Variants in GOLGA7 observed in about 807,000 individuals in gnomAD.
GOLGA7 encodes the protein golgin subfamily A member 7.
Under a neutral mutation model 21.1 loss-of-function variants are expected in GOLGA7, and 10 were observed. The ratio of observed to expected loss-of-function variants is 0.47; its 90% CI spans 0.29 to 0.80. The LOEUF is 0.80. Among genes scored for constraint, GOLGA7 ranks in the 30% least tolerant of loss-of-function variants. GOLGA7 has a pLI of 0.08. For synonymous variants in GOLGA7, 64 were observed against 62.6 expected, an observed-to-expected ratio of 1.02 and a Z score of -0.10; for missense variants, 114 against 166.8, an observed-to-expected ratio of 0.68 and a Z score of 1.74.
intron 1 of GOLGA7, among the ~76,000 whole-genome samples, chr8:41,495,477 G>A (rs564971762): frequency 6.6e-6 from 1 of 151,366 alleles, no homozygotes; most frequent in Non-Finnish European, 1.5e-5. Context: ...TAGAGACAGA[G>A]TTTCACCATG....
At chr8:41,497,375 A>C in intron 1 of GOLGA7, 134 bp from the exon 2 acceptor site, 1 of 555,764 alleles carries the variant, frequency 1.8e-6, no homozygotes, top group South Asian at 2.6e-5. Flanking sequence ...AGTTTTGGTA[A>C]CTTAGGCCCA....
intron 2 of GOLGA7, among the ~76,000 whole-genome samples, chr8:41,498,922 A>G (rs569713489): frequency 2.8e-4 from 43 of 152,346 alleles, no homozygotes; most frequent in Non-Finnish European, 4.9e-4. Flanking sequence ...ACGAAATGCT[A>G]TAAGAATATA....
chr8:41,492,637 G>A (rs1805911109), intron 1 of GOLGA7, among the ~76,000 whole-genome samples: 1 of 152,212 alleles, frequency 6.6e-6, no homozygotes. Context: ...ACTCCAGCCT[G>A]GGCGACAGAG....
intron 2 of GOLGA7, among the ~76,000 whole-genome samples, chr8:41,505,593 T>C (rs1806264858): frequency 6.6e-6 from 1 of 152,168 alleles, no homozygotes; most frequent in Admixed American, 6.5e-5. Context: ...TATATAACCA[T>C]CTGTGTGTTT....
At chr8:41,495,718 C>T (rs550662068) in intron 1 of GOLGA7, among the ~76,000 whole-genome samples, 12 of 150,144 alleles carry the variant, frequency 8.0e-5, no homozygotes, top group Non-Finnish European at 1.3e-4. Context: ...AGAATTCATA[C>T]GTAAGTAGTT....
At chr8:41,501,414 T>G (rs1040940986) in intron 2 of GOLGA7, among the ~76,000 whole-genome samples, 2 of 152,076 alleles carry the variant, frequency 1.3e-5, no homozygotes, top group Non-Finnish European at 2.9e-5. Flanking sequence ...GTTCAAGTGA[T>G]TCTTGTGCCA....
rs115843340 is a variant in GOLGA7, at chr8:41,505,405, A to C, written c.265-506A>C. Among the ~76,000 whole-genome samples the C allele has an allele frequency of 5.1e-3, 772 of 152,328 alleles. 9 individuals carry two copies. The highest frequency in any genetic ancestry group is 0.017 in the African/African-American group (703 of 41,568). On this transcript the variant is annotated intron_variant, in intron 2 of 4. Coordinates refer to ENST00000357743, the MANE Select transcript of GOLGA7 (RefSeq NM_001002296.2). ...TTCTTAGTTTTGAAATAATGGGGCT[A>C]CCTTTTGTTATAAGCCCACCTTATA... is the stretch of plus-strand genomic sequence containing the variant.
intron 1 of GOLGA7, among the ~76,000 whole-genome samples, chr8:41,493,411 A>G (rs936209893): frequency 6.6e-6 from 1 of 152,236 alleles, no homozygotes; most frequent in Admixed American, 6.5e-5. Context: ...AAAAATACAC[A>G]CACATTTGTG....
rs1279358788 is a variant in GOLGA7, at chr8:41,507,097, T to C, written c.405T>C (p.Ser135=). The change falls in exon 4 of 5, where the codon AGT becomes AGC. Residue 135 remains serine (S), a synonymous_variant. Transcript: ENST00000357743. ...ITIYEDRGMS[S]GR ...TTTATGAAGACAGAGGCATGAGCAG[T>C]GGAAGATAAACCGAAGAATTAAAGG... 1 of 1,318,240 alleles carries C rather than the reference T, an allele frequency of 7.6e-7. No homozygotes were observed. The highest frequency in any genetic ancestry group is 1.1e-6 in the Non-Finnish European group (1 of 909,750). 81.7% of individuals were successfully genotyped at this position (1,318,240 alleles called of 1,614,324 possible).
chr8:41,492,606 G>T (rs4736992), intron 1 of GOLGA7, among the ~76,000 whole-genome samples: 27,423 of 152,182 alleles, frequency 0.18, 2,995 homozygotes, highest in Middle Eastern at 0.31. Flanking sequence ...AGGTTGCAGT[G>T]AGCCGAGATC....
chr8:41,497,302 T>G (rs1204067875), intron 1 of GOLGA7, among the ~76,000 whole-genome samples: 2 of 151,960 alleles, frequency 1.3e-5, no homozygotes, highest in Non-Finnish European at 2.9e-5. Flanking sequence ...AATAAAGAAG[T>G]ACCTTATTGA....
At chr8:41,499,210 A>C (rs1293567131) in intron 2 of GOLGA7, among the ~76,000 whole-genome samples, 1 of 152,080 alleles carries the variant, frequency 6.6e-6, no homozygotes, top group Non-Finnish European at 1.5e-5. Context: ...GAGCATACAG[A>C]TGGGCAGGCT....
chr8:41,498,261 A>G (rs978246063), intron 2 of GOLGA7, among the ~76,000 whole-genome samples: 7 of 152,184 alleles, frequency 4.6e-5, no homozygotes, highest in African/African-American at 1.2e-4. Context: ...CTCCTAGACT[A>G]TTGAAATAGT....
rs1375705073 is a variant in GOLGA7 at position 41,510,347 on chromosome 8, A to G, written c.*779A>G. The G allele has an allele frequency of 6.5e-6, 1 of 152,678 alleles. No homozygotes were observed. Among genetic ancestry groups the G allele is most frequent in the Non-Finnish European group, 1.5e-5 (1 of 68,038 alleles). The allele number at this position is 152,678 out of a possible 1,614,324, so 9.5% of individuals were successfully genotyped here. ...AGTAAGCACAATAAAGTGGATGCCA[A>G]ACCATCAGACACATAAATGTTCCCG... On this transcript the variant is annotated 3_prime_UTR_variant, in exon 5 of 5. Transcript: ENST00000357743.
chr8:41,498,685 T>G (rs1806078063), intron 2 of GOLGA7, among the ~76,000 whole-genome samples: 1 of 152,278 alleles, frequency 6.6e-6, no homozygotes, highest in Admixed American at 6.5e-5. Context: ...TTTCTGGCAC[T>G]TGCCTCACTC....
chr8:41,509,043 A>G (rs1347434291), intron 4 of GOLGA7, among the ~76,000 whole-genome samples: 1 of 152,214 alleles, frequency 6.6e-6, no homozygotes, highest in African/African-American at 2.4e-5. Context: ...AATATCTTGC[A>G]TATATCTTTA....
At chr8:41,501,372 G>A (rs373092354) in intron 2 of GOLGA7, among the ~76,000 whole-genome samples, 141 of 151,392 alleles carry the variant, frequency 9.3e-4, no homozygotes, top group African/African-American at 2.2e-3. Flanking sequence ...GCAGTGGTGC[G>A]ATCCCGGCTC....
intron 1 of GOLGA7, among the ~76,000 whole-genome samples, chr8:41,495,049 C>G (rs2150438633): frequency 6.6e-6 from 1 of 151,356 alleles, no homozygotes; most frequent in South Asian, 2.1e-4. Context: ...ACTAAAAATA[C>G]AAAAATTAGT....
At chr8:41,492,990 A>G (rs1186673670) in intron 1 of GOLGA7, among the ~76,000 whole-genome samples, 1 of 152,218 alleles carries the variant, frequency 6.6e-6, no homozygotes, top group African/African-American at 2.4e-5. Context: ...CAGGAAATTG[A>G]TGTTTCTAAA....
Sources: allele counts gnomAD v4.1 joint callset (sites outside exome capture counted in the v4.1 genomes callset), GRCh38; gene constraint gnomAD v4.1.1; transcripts MANE v1.5; gene names NCBI Gene and HGNC (gene_info 2026-07-23, HGNC 2026-07-21).